The following CCDC91 variants were observed in gnomAD, a reference collection of about 807,000 sequenced individuals.
CCDC91 encodes coiled-coil domain containing 91.
Under a neutral mutation model 63.2 loss-of-function variants are expected in CCDC91, and 48 were observed. The ratio of observed to expected loss-of-function variants is 0.76; its 90% confidence interval spans 0.60 to 0.97. The LOEUF is 0.97. CCDC91 is among the 50% of genes least tolerant of loss of function. The pLI is 0.00. For missense variants in CCDC91, 500 were observed against 494.6 expected (o/e 1.01, Z -0.10); for synonymous variants, 167 against 165.8 (o/e 1.01, Z -0.06).
In CCDC91 at chr12:28,305,819, A is replaced by G. The variant is rs200192458; in HGVS notation, c.267+13A>G. On this transcript the variant is annotated intron_variant, in intron 4 of 12. Coordinates refer to ENST00000536442, the MANE Select transcript of CCDC91 (RefSeq NM_018318.5). ...TCCAAAAGCACAGGTAAAGACAAAC[A>G]TATTTTTAAAGGAGGTTTGCATATT... 2.5e-6 allele frequency: 4 copies of G among 1,597,704 alleles called. No individual in the cohort carries two copies. Among genetic ancestry groups the G allele is most frequent in the Non-Finnish European group, 3.4e-6 (4 of 1,172,416 alleles).
chr12:28,318,994 T>C (rs1940200566), intron 6 of CCDC91, among the ~76,000 whole-genome samples: 1 of 151,992 alleles, frequency 6.6e-6, no homozygotes, highest in Non-Finnish European at 1.5e-5. Context: ...CAGAAAAGAC[T>C]AAATTATATT....
chr12:28,342,099 G>T (rs1436593689), intron 6 of CCDC91, among the ~76,000 whole-genome samples: 1 of 152,112 alleles, frequency 6.6e-6, no homozygotes, highest in Admixed American at 6.5e-5. Flanking sequence ...ACCTTTTCTG[G>T]CTGTGGTGAG....
chr12:28,247,646 A>G (rs182993623), intron 1 of CCDC91, among the ~76,000 whole-genome samples: 157 of 152,302 alleles, frequency 1.0e-3, no homozygotes, highest in Non-Finnish European at 1.8e-3. Context: ...GTTTGATGCT[A>G]TAAACTAGAT....
intron 3 of CCDC91, among the ~76,000 whole-genome samples, chr12:28,293,646 C>G (rs1055395085): frequency 2.0e-5 from 3 of 151,808 alleles, no homozygotes; most frequent in Non-Finnish European, 4.4e-5. Context: ...TCTTAAAATT[C>G]TTTTTGAAGT....
chr12:28,478,302 A>C (rs930995655), intron 11 of CCDC91, among the ~76,000 whole-genome samples: 4 of 152,168 alleles, frequency 2.6e-5, no homozygotes, highest in African/African-American at 4.8e-5. Flanking sequence ...CTCAGAAATA[A>C]TGCCGCATAT....
intron 1 of CCDC91, among the ~76,000 whole-genome samples, chr12:28,206,737 T>C (rs1942884620): frequency 6.6e-6 from 1 of 152,238 alleles, no homozygotes; most frequent in Non-Finnish European, 1.5e-5. Flanking sequence ...CTATTTAGCA[T>C]GACTTTTACA....
At chr12:28,206,655 A>G (rs1824766) in intron 1 of CCDC91, among the ~76,000 whole-genome samples, 39,535 of 151,884 alleles carry the variant, frequency 0.26, 5,369 homozygotes, top group Non-Finnish European at 0.31. Context: ...GAGTTTCTAT[A>G]ATACCTGATG....
chr12:28,450,779 A>G (rs1459764331), intron 10 of CCDC91, among the ~76,000 whole-genome samples: 1 of 151,768 alleles, frequency 6.6e-6, no homozygotes, highest in Non-Finnish European at 1.5e-5. Context: ...ACTCATCTAA[A>G]TCATGTATTC....
At chr12:28,488,815 T>G (rs1351963370) in intron 12 of CCDC91, among the ~76,000 whole-genome samples, 1 of 151,976 alleles carries the variant, frequency 6.6e-6, no homozygotes, top group Admixed American at 6.6e-5. Flanking sequence ...TACAGTGATT[T>G]GCATTGAAAG....
intron 3 of CCDC91, among the ~76,000 whole-genome samples, chr12:28,278,310 C>T (rs1249204186): frequency 1.3e-5 from 2 of 152,032 alleles, no homozygotes; most frequent in East Asian, 1.9e-4. Context: ...TCTCTCCCTT[C>T]CTCTTAACAA....
At chr12:28,304,127 C>G (rs1938381504) in intron 3 of CCDC91, among the ~76,000 whole-genome samples, 1 of 151,644 alleles carries the variant, frequency 6.6e-6, no homozygotes, top group Admixed American at 6.6e-5. Flanking sequence ...ACCTGTAATC[C>G]TAGCACTTTG....
chr12:28,541,260 T>G (rs1261427815), intron 12 of CCDC91, among the ~76,000 whole-genome samples: 2 of 152,128 alleles, frequency 1.3e-5, no homozygotes, highest in African/African-American at 4.8e-5. Flanking sequence ...AGGTCAGACT[T>G]AATCTAGCAT....
chr12:28,197,643 G>C (rs1941883397), intron 1 of CCDC91, among the ~76,000 whole-genome samples: 1 of 151,902 alleles, frequency 6.6e-6, no homozygotes, highest in Non-Finnish European at 1.5e-5. Context: ...TTATTTGTAG[G>C]CTATACTATG....
At chr12:28,285,631 G>C (rs1183683248) in intron 3 of CCDC91, among the ~76,000 whole-genome samples, 1 of 115,994 alleles carries the variant, frequency 8.6e-6, no homozygotes, top group Non-Finnish European at 1.9e-5. Context: ...CCTTTCTCTG[G>C]ATAATACTTA....
intron 12 of CCDC91, among the ~76,000 whole-genome samples, chr12:28,530,773 A>C (rs1941664672): frequency 2.0e-5 from 3 of 152,152 alleles, no homozygotes; most frequent in Admixed American, 1.3e-4. Context: ...AAAAACTGCT[A>C]AATAAAGCAG....
At chr12:28,225,941 AT>A (rs1429567398) in intron 1 of CCDC91, 1 of 152,110 alleles carries the variant, frequency 6.6e-6, no homozygotes, top group Non-Finnish European at 1.5e-5. Flanking sequence ...ATCTCAAAAT[AT>A]TTTTGTCATC....
chr12:28,474,542 ATGT>A (rs757377413), intron 11 of CCDC91, among the ~76,000 whole-genome samples: 2 of 152,062 alleles, frequency 1.3e-5, no homozygotes, highest in Non-Finnish European at 2.9e-5. Context: ...CTAAAGATTA[ATGT>A]TGTTGTTACA....
intron 1 of CCDC91, among the ~76,000 whole-genome samples, chr12:28,214,375 C>T (rs1468964674): frequency 2.0e-5 from 3 of 152,022 alleles, no homozygotes; most frequent in Admixed American, 2.0e-4. Context: ...CAACCCAACC[C>T]AAGCAGGAGT....
At chr12:28,462,052 G>GT (rs546337070) in intron 11 of CCDC91, among the ~76,000 whole-genome samples, 358 of 146,284 alleles carry the variant, frequency 2.4e-3, no homozygotes, top group African/African-American at 6.9e-3. Flanking sequence ...GATGCTGCAA[G>GT]TTTTTTTTTT....
Sources: gnomAD v4.1 joint callset for allele counts (sites outside exome capture counted in the v4.1 genomes callset) on GRCh38, gnomAD v4.1.1 for gene constraint, MANE v1.5 for transcripts, NCBI Gene and HGNC (gene_info 2026-07-23, HGNC 2026-07-21) for gene names.